Variants in RNF150 observed in about 807,000 individuals in gnomAD.
RNF150 encodes ring finger protein 150.
Under a neutral mutation model 39.3 loss-of-function variants are expected in RNF150, and 24 were observed. The observed-to-expected ratio is 0.61, with a 90% CI of 0.44 to 0.86. RNF150 has a LOEUF of 0.86. Among genes scored for constraint, RNF150 ranks in the 40% least tolerant of loss-of-function variants. The pLI, the probability that RNF150 is intolerant of heterozygous loss-of-function variation, is 0.00. For synonymous variants in RNF150, 255 were observed against 227.3 expected, an observed-to-expected ratio of 1.12 and a Z score of -1.10; for missense variants, 502 against 587.8, an observed-to-expected ratio of 0.85 and a Z score of 1.51.
At chr4:141,202,374 A>G (rs1482020181) in intron 1 of RNF150, among the ~76,000 whole-genome samples, 1 of 152,098 alleles carries the variant, frequency 6.6e-6, no homozygotes, top group Non-Finnish European at 1.5e-5. Flanking sequence ...AAAATAGCTG[A>G]GTTCACCAAA....
At chr4:140,964,769 A>T (rs972388113) in intron 2 of RNF150, among the ~76,000 whole-genome samples, 4 of 152,170 alleles carry the variant, frequency 2.6e-5, no homozygotes, top group African/African-American at 9.6e-5. Context: ...AAGAGTAAAA[A>T]TAGAGCAATA....
chr4:141,137,222 G>A (rs924035485), upstream of RNF150, among the ~76,000 whole-genome samples: 1 of 152,192 alleles, frequency 6.6e-6, no homozygotes, highest in Non-Finnish European at 1.5e-5. Context: ...TATTCTGAGT[G>A]AGAGGAGAAA....
intron 1 of RNF150, among the ~76,000 whole-genome samples, chr4:141,181,554 G>C (rs779140757): frequency 3.9e-5 from 6 of 152,046 alleles, no homozygotes; most frequent in Non-Finnish European, 7.4e-5. Context: ...TTCTTTGATT[G>C]GGCACGAGAA....
intron 1 of RNF150, among the ~76,000 whole-genome samples, chr4:141,107,425 G>A (rs550416706): frequency 6.6e-6 from 1 of 152,258 alleles, no homozygotes; most frequent in African/African-American, 2.4e-5. Flanking sequence ...TGGGTGACTT[G>A]TTCAAGGTAG....
At chr4:141,095,621 C>T (rs2111020289) in intron 1 of RNF150, among the ~76,000 whole-genome samples, 1 of 152,230 alleles carries the variant, frequency 6.6e-6, no homozygotes, top group Non-Finnish European at 1.5e-5. Flanking sequence ...ATTTGCATAT[C>T]AAGTTTATAG....
chr4:140,923,080 A>G lies in RNF150; in HGVS notation c.987+2897T>C, dbSNP rs565052071. 5.6e-4 allele frequency among the ~76,000 whole-genome samples: 84 copies of G among 151,042 alleles called. 1 individual carries two copies. The highest frequency in any genetic ancestry group is 1.9e-3 in the African/African-American group (79 of 40,620). On this transcript the variant is annotated intron_variant, in intron 5 of 6. Coordinates refer to ENST00000515673, the MANE Select transcript of RNF150 (RefSeq NM_020724.2). The stretch of plus-strand genomic sequence containing the variant: ...CATGGGCAAGGACTTCACGTCTAAA[A>G]CACCAAAAGCAATGGCAACAAAAGC...
chr4:141,084,625 A>G (rs1738284603), intron 1 of RNF150, among the ~76,000 whole-genome samples: 1 of 152,218 alleles, frequency 6.6e-6, no homozygotes, highest in African/African-American at 2.4e-5. Context: ...GCAGAGAAGC[A>G]TCTCACAGAC....
At chr4:141,204,226 A>G (rs6822047) in intron 1 of RNF150, among the ~76,000 whole-genome samples, 77,914 of 151,996 alleles carry the variant, frequency 0.51, 20,448 homozygotes, top group East Asian at 0.8. Flanking sequence ...AGGGATGAGA[A>G]CCAGCAATAT....
intron 1 of RNF150, among the ~76,000 whole-genome samples, chr4:141,027,810 G>T (rs1473329590): frequency 6.7e-6 from 1 of 150,214 alleles, no homozygotes; most frequent in Admixed American, 6.7e-5. Context: ...AATTTATTAA[G>T]CCAGTCTCTT....
chr4:141,101,716 C>T (rs1315208911), intron 1 of RNF150, among the ~76,000 whole-genome samples: 1 of 152,042 alleles, frequency 6.6e-6, no homozygotes, highest in Non-Finnish European at 1.5e-5. Flanking sequence ...ATGTGTTATG[C>T]TATGACTTTA....
In RNF150 at chr4:141,133,165, T is replaced by G; in HGVS notation, c.-357A>C. ...AAGGGTGGCCGGGGGCCCACGAACT[T>G]GCAGGGTGGCGGCCCTGCGCCCTCC... is the stretch of plus-strand genomic sequence containing the variant. On this transcript the variant is annotated 5_prime_UTR_variant, in exon 1 of 7. Transcript: ENST00000515673. 3.9e-6 allele frequency: 1 copy of G among 253,880 alleles called. No individual in the cohort carries two copies. The highest frequency in any genetic ancestry group is 7.5e-6 in the Non-Finnish European group (1 of 132,770). 15.7% of individuals were successfully genotyped at this position (253,880 alleles called of 1,614,324 possible). A position where few individuals can be genotyped will look rare whatever the true frequency, so the allele number is the denominator to read the frequency against.
At chr4:140,957,568 A>C (rs1732815668) in intron 2 of RNF150, among the ~76,000 whole-genome samples, 1 of 152,216 alleles carries the variant, frequency 6.6e-6, no homozygotes. Flanking sequence ...CCAAAGGACT[A>C]TAAATCATGC....
chr4:141,119,662 T>C (rs914548040), intron 1 of RNF150, among the ~76,000 whole-genome samples: 46 of 152,300 alleles, frequency 3.0e-4, no homozygotes, highest in African/African-American at 7.5e-4. Context: ...GGCGTGATAA[T>C]AGAAGATCTC....
chr4:141,188,814 G>A (rs545625950), intron 1 of RNF150, among the ~76,000 whole-genome samples: 2 of 152,016 alleles, frequency 1.3e-5, no homozygotes, highest in East Asian at 3.9e-4. Context: ...CCTTGCTTTG[G>A]GCTAGAAAAT....
At chr4:141,053,739 C>A in intron 1 of RNF150, 1 of 1,360,976 alleles carries the variant, frequency 7.3e-7, no homozygotes, top group Non-Finnish European at 9.5e-7. Flanking sequence ...AACCTGTGAA[C>A]AACGATAAAA....
intron 1 of RNF150, among the ~76,000 whole-genome samples, chr4:141,090,019 G>A (rs1196050063): frequency 3.3e-5 from 5 of 152,070 alleles, no homozygotes; most frequent in Admixed American, 2.6e-4. Context: ...TAGGCACATG[G>A]ACATCTTGAA....
At chr4:141,003,007 A>G in intron 1 of RNF150, among the ~76,000 whole-genome samples, 1 of 152,134 alleles carries the variant, frequency 6.6e-6, no homozygotes, top group East Asian at 1.9e-4. Flanking sequence ...ATATTTGCTG[A>G]AAGAATTAAC....
chr4:140,897,529 C>T (rs903041449), intron 6 of RNF150, among the ~76,000 whole-genome samples: 10 of 152,174 alleles, frequency 6.6e-5, no homozygotes, highest in Admixed American at 4.6e-4. Flanking sequence ...GAGAAAGAAT[C>T]TGGGCTTTGA....
intron 6 of RNF150, 40 bp from the exon 7 acceptor site, chr4:140,868,419 A>G (rs1728800645): frequency 2.9e-6 from 3 of 1,021,764 alleles, no homozygotes; most frequent in African/African-American, 3.1e-5. Context: ...ACACCGAGCT[A>G]TGTCTTTGCA....
Sources: allele counts gnomAD v4.1 joint callset (sites outside exome capture counted in the v4.1 genomes callset), GRCh38; gene constraint gnomAD v4.1.1; transcripts MANE v1.5; gene names NCBI Gene and HGNC (gene_info 2026-07-23, HGNC 2026-07-21).